Variants in DOCK8 observed in about 807,000 individuals in gnomAD.
DOCK8 encodes dedicator of cytokinesis 8.
DOCK8 carries 141 observed loss-of-function variants against 245.6 expected under a neutral mutation model. The ratio of observed to expected loss-of-function variants is 0.57; its 90% confidence interval spans 0.50 to 0.66. The LOEUF is 0.66. Among genes scored for constraint, DOCK8 ranks in the 30% least tolerant of loss-of-function variants. The pLI, the probability that DOCK8 is intolerant of heterozygous loss-of-function variation, is 0.00. For missense variants in DOCK8, 2,965 were observed against 2,603.4 expected, an observed-to-expected ratio of 1.14 and a Z score of -3.02; for synonymous variants, 1,168 against 970.2, an observed-to-expected ratio of 1.20 and a Z score of -3.79.
At chr9:337,535 G>T (rs988040746) in intron 12 of DOCK8, among the ~76,000 whole-genome samples, 1 of 152,184 alleles carries the variant, frequency 6.6e-6, no homozygotes, top group Non-Finnish European at 1.5e-5. Flanking sequence ...GGCTATTCAT[G>T]TGCAAGTTTC....
At chr9:289,452 GGTT>G (rs2130347810) in intron 3 of DOCK8, 55 bp from the exon 4 acceptor site, 1 of 1,337,368 alleles carries the variant, frequency 7.5e-7, no homozygotes, top group Non-Finnish European at 1.1e-6. Flanking sequence ...CATGATTAGG[GGTT>G]GTTTTGTTGT....
intron 1 of DOCK8, among the ~76,000 whole-genome samples, chr9:235,757 G>T (rs547293293): frequency 1.3e-5 from 2 of 152,132 alleles, no homozygotes; most frequent in East Asian, 1.9e-4. Flanking sequence ...TTGGAAAAGC[G>T]CAGTATTAGG....
intron 1 of DOCK8, among the ~76,000 whole-genome samples, chr9:226,446 A>G (rs554659210): frequency 2.6e-5 from 4 of 152,170 alleles, no homozygotes; most frequent in African/African-American, 7.2e-5. Context: ...TTTTGTGTTT[A>G]AAAGATCTAT....
rs771700724 is a variant in DOCK8 at position 328,139 on chromosome 9, T to C, written c.1012T>C (p.Tyr338His). The C allele has an allele frequency of 6.2e-7, 1 of 1,614,194 alleles. No homozygotes were observed. Among genetic ancestry groups the C allele is most frequent in the South Asian group, 1.1e-5 (1 of 91,088 alleles). ...QARSAVFSVT[Y>H]PSSDIYLVVK... ...GAGATCTGCAGTCTTCTCAGTCACC[T>C]ACCCGTCCTCAGACATCTACCTGGT... Residue 338 changes from tyrosine (Y) to histidine (H), a missense_variant, in exon 9 of 48, where the codon TAC becomes CAC. Tyr to His is a moderately conservative substitution (Grantham distance 83). Coordinates refer to ENST00000432829, the MANE Select transcript of DOCK8 (RefSeq NM_203447.4).
intron 36 of DOCK8, among the ~76,000 whole-genome samples, chr9:431,594 T>C (rs1332822205): frequency 6.6e-6 from 1 of 152,144 alleles, no homozygotes; most frequent in East Asian, 1.9e-4. Context: ...CTGCAACCTC[T>C]GCCTACCAGG....
At chr9:225,473 A>C (rs2046970830) in intron 1 of DOCK8, among the ~76,000 whole-genome samples, 1 of 152,180 alleles carries the variant, frequency 6.6e-6, no homozygotes, top group Non-Finnish European at 1.5e-5. Flanking sequence ...ATCTGGGATT[A>C]GACTGGGTCA....
Position 224,103 on chromosome 9 carries a change from A to G in DOCK8, c.53+9074A>G, listed in dbSNP as rs1334220003. 3.3e-5 allele frequency among the ~76,000 whole-genome samples: 5 copies of G among 152,202 alleles called. No homozygotes were observed. The East Asian group carries it at 9.6e-4, about 29-fold the overall frequency. ...AGAGGAGTTCCAAAAGTGAGTTCAGAAAGACAGCTTTATCAGAATAAATTG... is the reference window on the plus strand; with the variant it reads ...AGAGGAGTTCCAAAAGTGAGTTCAGGAAGACAGCTTTATCAGAATAAATTG... On this transcript the variant is annotated intron_variant, in intron 1 of 47. Coordinates refer to ENST00000432829, the MANE Select transcript of DOCK8 (RefSeq NM_203447.4).
intron 1 of DOCK8, among the ~76,000 whole-genome samples, chr9:250,466 A>G (rs2047619206): frequency 6.6e-6 from 1 of 152,198 alleles, no homozygotes; most frequent in Non-Finnish European, 1.5e-5. Context: ...AAATATTCCC[A>G]GTAGACTCAT....
At chr9:422,237 G>A (rs544182076) in intron 33 of DOCK8, 102 bp downstream of exon 33, 8 of 966,838 alleles carry the variant, frequency 8.3e-6, no homozygotes, top group African/African-American at 8.1e-5. Flanking sequence ...CCAAGGGTTA[G>A]AAAATGAAAC....
At chr9:368,243 C>A in intron 15 of DOCK8, 108 bp downstream of exon 15, 2 of 932,702 alleles carry the variant, frequency 2.1e-6, no homozygotes, top group Non-Finnish European at 3.6e-6. Flanking sequence ...TATTCCAGGC[C>A]AATACTGCTC....
intron 37 of DOCK8, 64 bp from the exon 38 acceptor site, chr9:433,811 T>G: frequency 1.5e-6 from 2 of 1,358,178 alleles, no homozygotes; most frequent in Non-Finnish European, 2.1e-6. Context: ...CATTTCAATG[T>G]AATCCTAACT....
rs933399616 is a variant in DOCK8 at position 426,771 on chromosome 9, A to G, written c.4242-114A>G. 4.8e-6 allele frequency: 4 copies of G among 834,088 alleles called. No homozygotes were observed. In the African/African-American group the frequency reaches 6.7e-5, roughly 14 times the overall value. The allele number at this position is 834,088 out of a possible 1,614,324, so 51.7% of individuals were successfully genotyped here. A position where few individuals can be genotyped will look rare whatever the true frequency, so the allele number is the denominator to read the frequency against. ...ACTCAGGGCCAGTTGCTCTGTTTTC[A>G]TTTCAAGGTTGACTATTTTGGAGAT... On this transcript the variant is annotated intron_variant, in intron 33 of 47. Coordinates refer to ENST00000432829, the MANE Select transcript of DOCK8 (RefSeq NM_203447.4).
At chr9:385,999 G>T (rs2053934710) in intron 22 of DOCK8, among the ~76,000 whole-genome samples, 1 of 152,130 alleles carries the variant, frequency 6.6e-6, no homozygotes, top group African/African-American at 2.4e-5. Context: ...CTAAACCACA[G>T]AGAGACACTG....
chr9:247,206 G>C (rs1011153649), intron 1 of DOCK8, among the ~76,000 whole-genome samples: 1 of 152,152 alleles, frequency 6.6e-6, no homozygotes, highest in Non-Finnish European at 1.5e-5. Context: ...TACACAGAAA[G>C]AAATGTGTTT....
chr9:340,620 C>CAA (rs370980165), intron 14 of DOCK8: 493 of 180,516 alleles, frequency 2.7e-3, no homozygotes, highest in East Asian at 7.5e-3. Context: ...GACTCTGTCT[C>CAA]AAAAAAAAAA....
At position 339,032 on chromosome 9, in the gene DOCK8, C is replaced by G; in HGVS notation, c.1449C>G (p.Asp483Glu). Residue 483 changes from aspartate (D) to glutamate (E), a missense_variant, in exon 13 of 48, where the codon GAC (aspartate) becomes GAG (glutamate). Transcript: ENST00000432829. ...AAGGAGATCGCCTTAGCGATGAAGA[C>G]TTATTCAAGTTTTTAGCTGACTACA... Reference protein sequence around the residue: ...KQEGDRLSDEDLFKFLADYKR... With the variant: ...KQEGDRLSDEELFKFLADYKR... 6.2e-7 allele frequency: 1 copy of G among 1,614,126 alleles called. No homozygotes were observed. The highest frequency in any genetic ancestry group is 1.1e-5 in the South Asian group (1 of 91,082).
intron 2 of DOCK8, among the ~76,000 whole-genome samples, chr9:280,119 A>G (rs1477331522): frequency 1.3e-5 from 2 of 152,108 alleles, no homozygotes; most frequent in Admixed American, 6.5e-5. Context: ...GACATGTGTT[A>G]GGGGCAAGGG....
At chr9:287,825 G>A (rs1170941818) in intron 3 of DOCK8, among the ~76,000 whole-genome samples, 1 of 152,074 alleles carries the variant, frequency 6.6e-6, no homozygotes, top group African/African-American at 2.4e-5. Flanking sequence ...ATTCCTTTAT[G>A]TAAAATTTAT....
intron 14 of DOCK8, chr9:340,639 G>C: frequency 4.5e-6 from 1 of 224,634 alleles, no homozygotes; most frequent in East Asian, 1.1e-4. Flanking sequence ...AAGAAAAAAA[G>C]AAAAGCAGGT....
Sources: allele counts gnomAD v4.1 joint callset (sites outside exome capture counted in the v4.1 genomes callset), GRCh38; gene constraint gnomAD v4.1.1; transcripts MANE v1.5; gene names NCBI Gene and HGNC (gene_info 2026-07-23, HGNC 2026-07-21).